Variants in FRS2 observed in about 807,000 individuals in gnomAD.
FRS2 encodes fibroblast growth factor receptor substrate 2, also known as FGFR signalling adaptor.
In FRS2, 8 loss-of-function variants were observed where a neutral mutation model predicts 43.9. The observed-to-expected ratio is 0.18, with a 90% confidence interval of 0.11 to 0.33. The LOEUF (loss-of-function observed/expected upper bound fraction) is 0.33, where lower values mean the gene tolerates loss of function less well. Ranked by LOEUF, FRS2 falls within the 10% of genes least tolerant of loss-of-function variation. The pLI is 1.00. For synonymous variants in FRS2, 219 were observed against 220.3 expected (o/e 0.99, Z 0.05); for missense variants, 534 against 627.6 (o/e 0.85, Z 1.59).
In FRS2 at chr12:69,576,774, G is replaced by T. The variant is rs531583717; in HGVS notation, c.*1819G>T. 1.3e-5 allele frequency: 2 copies of T among 152,668 alleles called. No homozygotes were observed. The highest frequency in any genetic ancestry group is 4.8e-5 in the African/African-American group (2 of 41,546). 9.5% of individuals were successfully genotyped at this position (152,668 alleles called of 1,614,324 possible). On this transcript the variant is annotated 3_prime_UTR_variant, in exon 9 of 9. Coordinates refer to ENST00000549921, the MANE Select transcript of FRS2 (RefSeq NM_001278356.2). The stretch of plus-strand genomic sequence containing the variant: ...ATATCAGTGTATTTTATCATTCTAT[G>T]TGCATAGCAGAATTTTCTTTTCTCC...
intron 1 of FRS2, among the ~76,000 whole-genome samples, chr12:69,474,976 C>T (rs1163941217): frequency 1.3e-5 from 2 of 152,050 alleles, no homozygotes; most frequent in African/African-American, 4.8e-5. Flanking sequence ...TTAGTTTTGG[C>T]TTATAATGTT....
chr12:69,511,017 A>T (rs930770898), intron 1 of FRS2, among the ~76,000 whole-genome samples: 1 of 152,204 alleles, frequency 6.6e-6, no homozygotes, highest in Non-Finnish European at 1.5e-5. Flanking sequence ...TTACATACCT[A>T]CTAAAATACT....
At chr12:69,516,194 T>C (rs1874993845) in intron 1 of FRS2, among the ~76,000 whole-genome samples, 1 of 151,114 alleles carries the variant, frequency 6.6e-6, no homozygotes, top group Non-Finnish European at 1.5e-5. Flanking sequence ...TAAAAGTGAG[T>C]AGATTATTAT....
chr12:69,475,574 A>G (rs973793299), intron 1 of FRS2, among the ~76,000 whole-genome samples: 1 of 152,244 alleles, frequency 6.6e-6, no homozygotes, highest in African/African-American at 2.4e-5. Context: ...CACTGGAAGA[A>G]TATTAGAGGA....
chr12:69,540,019 C>T (rs1056214525), intron 3 of FRS2, among the ~76,000 whole-genome samples: 7 of 151,082 alleles, frequency 4.6e-5, no homozygotes, highest in East Asian at 2.0e-4. Flanking sequence ...TTTGGGAGGC[C>T]GAGGCGGGTG....
rs757336654 is a variant in FRS2, at chr12:69,574,086, G to A, written c.658G>A (p.Val220Ile). Residue 220 changes from valine to isoleucine, a missense_variant, in exon 9 of 9, where the codon GTT (valine) becomes ATT (isoleucine). Physicochemically the swap from Val to Ile is conservative, Grantham distance 29 (BLOSUM62 3). Coordinates refer to ENST00000549921, the MANE Select transcript of FRS2 (RefSeq NM_001278356.2). ...TGTGCATGTTCCATTGGAGGCGAGG[G>A]TTTCTAACGCTGAAAGCAGCACACC... ...TSVHVPLEAR[V>I]SNAESSTPKE... 1 of 1,614,228 alleles carries A rather than the reference G, an allele frequency of 6.2e-7. No individual in the cohort carries two copies. Among genetic ancestry groups the A allele is most frequent in the South Asian group, 1.1e-5 (1 of 91,090 alleles).
In FRS2 at chr12:69,527,343, ATTTT is replaced by A. The variant is rs1166365306; in HGVS notation, c.-260-3504_-260-3501del. Among the ~76,000 whole-genome samples the A allele has an allele frequency of 1.1e-3, 93 of 84,242 alleles. 3 individuals carry two copies. The highest frequency in any genetic ancestry group is 0.014 in the Middle Eastern group (1 of 72). 55.3% of individuals were successfully genotyped at this position (84,242 alleles called of 152,430 possible). On this transcript the variant is annotated intron_variant, in intron 1 of 8. Transcript: ENST00000549921. ...GAGCAAAGTTTTTTTTTTTTTAATGATTTTTTTTTTTTTTTTTTTTTAAAGAGAC... is the reference window on the plus strand; with the variant it reads ...GAGCAAAGTTTTTTTTTTTTTAATGATTTTTTTTTTTTTTTTTAAAGAGAC...
intron 8 of FRS2, 111 bp downstream of exon 8, chr12:69,572,392 A>G: frequency 1.2e-6 from 1 of 861,634 alleles, no homozygotes; most frequent in Non-Finnish European, 1.8e-6. Context: ...ATCTGTTTGT[A>G]AATTACTTTT....
intron 6 of FRS2, 58 bp from the exon 7 acceptor site, chr12:69,571,218 C>T (rs1334792068): frequency 7.0e-6 from 8 of 1,136,662 alleles, no homozygotes; most frequent in South Asian, 2.9e-5. Context: ...GTCAAGTGTT[C>T]CTATAGTTTT....
At position 69,577,146 on chromosome 12, in the gene FRS2, ATTAGTTTTTATTTTTT is replaced by A. The variant is rs777763263; in HGVS notation, c.*2196_*2211del. The A allele has an allele frequency of 6.6e-6, 1 of 152,014 alleles. No individual in the cohort carries two copies. The highest frequency in any genetic ancestry group is 2.4e-5 in the African/African-American group (1 of 41,370). 9.4% of individuals were successfully genotyped at this position (152,014 alleles called of 1,614,324 possible). A position where few individuals can be genotyped will look rare whatever the true frequency, so the allele number is the denominator to read the frequency against. The stretch of plus-strand genomic sequence containing the variant: ...TTTTCATTGTTTCCCCCGGATTCTA[ATTAGTTTTTATTTTTT>A]TTAGATAACTCCAATATAATCATTA... On this transcript the variant is annotated 3_prime_UTR_variant, in exon 9 of 9. Coordinates refer to ENST00000549921, the MANE Select transcript of FRS2 (RefSeq NM_001278356.2).
At chr12:69,480,788 A>G (rs1001272901) in intron 1 of FRS2, among the ~76,000 whole-genome samples, 218 of 152,296 alleles carry the variant, frequency 1.4e-3, no homozygotes, top group African/African-American at 5.0e-3. Flanking sequence ...TATTAAATAT[A>G]CTTACTTTAC....
intron 1 of FRS2, among the ~76,000 whole-genome samples, chr12:69,489,219 C>G (rs1872229758): frequency 6.6e-6 from 1 of 152,096 alleles, no homozygotes; most frequent in Non-Finnish European, 1.5e-5. Flanking sequence ...ATCTGATTTA[C>G]CCAGTCAATA....
intron 3 of FRS2, among the ~76,000 whole-genome samples, chr12:69,545,522 C>T (rs568823616): frequency 6.6e-6 from 1 of 152,100 alleles, no homozygotes; most frequent in African/African-American, 2.4e-5. Flanking sequence ...CTTTGGGAGG[C>T]CAAGGTGGGT....
At chr12:69,526,495 C>G (rs558326867) in intron 1 of FRS2, among the ~76,000 whole-genome samples, 84 of 152,170 alleles carry the variant, frequency 5.5e-4, no homozygotes, top group African/African-American at 2.0e-3. Context: ...CTTATAAAAT[C>G]AGATGCTATT....
chr12:69,508,679 C>A (rs1381724548), intron 1 of FRS2, among the ~76,000 whole-genome samples: 4 of 152,236 alleles, frequency 2.6e-5, no homozygotes, highest in African/African-American at 9.6e-5. Flanking sequence ...CATCTCTCTT[C>A]ACCTCCAATT....
At chr12:69,493,040 A>G (rs1820608341) in intron 1 of FRS2, among the ~76,000 whole-genome samples, 1 of 152,244 alleles carries the variant, frequency 6.6e-6, no homozygotes, top group Non-Finnish European at 1.5e-5. Flanking sequence ...CTAAAGACAT[A>G]TTAAGATACC....
chr12:69,537,847 T>C (rs118031023), intron 3 of FRS2: 2,304 of 152,764 alleles, frequency 0.015, 19 homozygotes, highest in Middle Eastern at 0.031. Context: ...ATGTTACTTA[T>C]GCCTTTTCAT....
intron 1 of FRS2, among the ~76,000 whole-genome samples, chr12:69,474,440 CTGTTTTAAATGGCATCTGTTTAAAA>C (rs1349651733): frequency 5.9e-5 from 9 of 151,864 alleles, no homozygotes; most frequent in African/African-American, 2.2e-4. Context: ...AAAAAAACTT[CTGTTTTAAATGGCATCTGTTTAAAA>C]CAGAAGGAAA....
At chr12:69,493,320 T>A (rs1234688140) in intron 1 of FRS2, among the ~76,000 whole-genome samples, 1 of 152,220 alleles carries the variant, frequency 6.6e-6, no homozygotes, top group Non-Finnish European at 1.5e-5. Context: ...ATTTATGGAT[T>A]GTGGATGTCA....
Sources: gnomAD v4.1 joint callset for allele counts (sites outside exome capture counted in the v4.1 genomes callset) on GRCh38, gnomAD v4.1.1 for gene constraint, MANE v1.5 for transcripts, NCBI Gene and HGNC (gene_info 2026-07-23, HGNC 2026-07-21) for gene names.